Variants in CDH13 observed in about 807,000 individuals in gnomAD.
The protein encoded by CDH13 is cadherin-13.
In CDH13, 24 loss-of-function variants were observed where a neutral mutation model predicts 63.8. The observed-to-expected ratio is 0.38, with a 90% CI of 0.27 to 0.53. CDH13 has a LOEUF of 0.53. Among genes scored for constraint, CDH13 ranks in the 20% least tolerant of loss-of-function variants. The probability of loss-of-function intolerance (pLI) is 0.85; values close to 1 mark genes in which losing one functional copy is unlikely to be tolerated. For synonymous variants in CDH13, 503 were observed against 355.3 expected (o/e 1.42, Z -4.67); for missense variants, 1,049 against 903.1 (o/e 1.16, Z -2.07).
chr16:82,726,160 G>T (rs1008665244), intron 1 of CDH13, among the ~76,000 whole-genome samples: 1 of 152,168 alleles, frequency 6.6e-6, no homozygotes, highest in African/African-American at 2.4e-5. Flanking sequence ...GTGTGCATGT[G>T]CGCACGGTAG....
intron 1 of CDH13, among the ~76,000 whole-genome samples, chr16:82,700,269 C>A (rs2030822091): frequency 6.6e-6 from 1 of 152,176 alleles, no homozygotes; most frequent in South Asian, 2.1e-4. Flanking sequence ...GTTTCCAAAT[C>A]TACTTGACCT....
intron 2 of CDH13, among the ~76,000 whole-genome samples, chr16:82,923,696 C>G (rs990208976): frequency 2.0e-5 from 3 of 152,160 alleles, no homozygotes; most frequent in Non-Finnish European, 4.4e-5. Context: ...CATATGAAAC[C>G]AGAACACAGC....
intron 5 of CDH13, among the ~76,000 whole-genome samples, chr16:83,334,361 TCACACA>T (rs1208427532): frequency 4.7e-5 from 4 of 85,622 alleles, no homozygotes; most frequent in African/African-American, 9.9e-5. Flanking sequence ...TCTCTCTCTC[TCACACA>T]CACACACACA....
intron 2 of CDH13, among the ~76,000 whole-genome samples, chr16:82,973,476 G>C (rs1197677319): frequency 6.6e-6 from 1 of 152,140 alleles, no homozygotes; most frequent in African/African-American, 2.4e-5. Flanking sequence ...CACATATTAG[G>C]CACCTACTGT....
intron 1 of CDH13, among the ~76,000 whole-genome samples, chr16:82,716,140 C>T (rs2032356258): frequency 6.6e-6 from 1 of 152,198 alleles, no homozygotes; most frequent in African/African-American, 2.4e-5. Context: ...CAACAGCTGC[C>T]AGAGAGCCAT....
intron 1 of CDH13, among the ~76,000 whole-genome samples, chr16:82,833,029 C>A (rs938433045): frequency 6.6e-6 from 1 of 152,118 alleles, no homozygotes; most frequent in African/African-American, 2.4e-5. Context: ...CACAAAATTC[C>A]CATCTTACAG....
chr16:82,923,790 A>G (rs900198004), intron 2 of CDH13, among the ~76,000 whole-genome samples: 2 of 152,188 alleles, frequency 1.3e-5, no homozygotes, highest in African/African-American at 4.8e-5. Context: ...GGTCTATGAT[A>G]CAGAAAATCG....
chr16:83,514,663 AGAG>A (rs2074659320), intron 7 of CDH13, among the ~76,000 whole-genome samples: 1 of 152,124 alleles, frequency 6.6e-6, no homozygotes, highest in African/African-American at 2.4e-5. Context: ...AAAGAGAAGA[AGAG>A]GAGAGAGACA....
chr16:83,587,164 G>C (rs546069322), intron 7 of CDH13, among the ~76,000 whole-genome samples: 2 of 152,154 alleles, frequency 1.3e-5, no homozygotes, highest in Non-Finnish European at 2.9e-5. Flanking sequence ...ACCCTGCATG[G>C]CAAAATTTGA....
chr16:82,887,338 G>A (rs1054217670), intron 2 of CDH13, among the ~76,000 whole-genome samples: 2 of 152,180 alleles, frequency 1.3e-5, no homozygotes, highest in African/African-American at 2.4e-5. Flanking sequence ...AATGGGAAAG[G>A]GAATGGTGTG....
chr16:82,937,257 A>G (rs912495342), intron 2 of CDH13, among the ~76,000 whole-genome samples: 6 of 152,176 alleles, frequency 3.9e-5, no homozygotes, highest in African/African-American at 1.4e-4. Context: ...ACAGATATAC[A>G]TAAACATTCA....
intron 1 of CDH13, among the ~76,000 whole-genome samples, chr16:82,771,446 A>C (rs2035259751): frequency 6.6e-6 from 1 of 152,208 alleles, no homozygotes; most frequent in Non-Finnish European, 1.5e-5. Flanking sequence ...GCTGCTTGAT[A>C]GCATTTGTAA....
At chr16:82,897,674 T>A (rs941144403) in intron 2 of CDH13, among the ~76,000 whole-genome samples, 6 of 152,254 alleles carry the variant, frequency 3.9e-5, no homozygotes, top group African/African-American at 1.4e-4. Flanking sequence ...TACCCTTAGC[T>A]ATTAATGCTG....
rs74032610 is a variant in CDH13 at position 82,917,431 on chromosome 16, C to G, written c.157+58958C>G. Among the ~76,000 whole-genome samples the G allele has an allele frequency of 5.8e-3, 885 of 152,216 alleles. 5 individuals are homozygous for G. Among genetic ancestry groups the G allele is most frequent in the African/African-American group, 0.02 (848 of 41,520 alleles). ...AAATGAAAGAAAGAAAGATTCTTCA[C>G]AGGGAAGTCCTGGCTATCTAACTGT... On this transcript the variant is annotated intron_variant, in intron 2 of 13. Coordinates refer to ENST00000567109, the MANE Select transcript of CDH13 (RefSeq NM_001257.5).
intron 3 of CDH13, among the ~76,000 whole-genome samples, chr16:83,069,143 A>G (rs1194212110): frequency 1.3e-5 from 2 of 152,172 alleles, no homozygotes; most frequent in African/African-American, 4.8e-5. Context: ...TACATCTTGA[A>G]TTATTTGTTT....
At chr16:82,951,359 G>A (rs1032222251) in intron 2 of CDH13, among the ~76,000 whole-genome samples, 1 of 152,154 alleles carries the variant, frequency 6.6e-6, no homozygotes, top group Non-Finnish European at 1.5e-5. Flanking sequence ...CTTCCTATAA[G>A]GTGTTCTGTC....
intron 4 of CDH13, among the ~76,000 whole-genome samples, chr16:83,195,740 C>T (rs548613709): frequency 6.6e-6 from 1 of 152,152 alleles, no homozygotes; most frequent in South Asian, 2.1e-4. Flanking sequence ...CAACAGTCAT[C>T]AAGATAGCAT....
intron 4 of CDH13, among the ~76,000 whole-genome samples, chr16:83,131,563 T>C (rs777868337): frequency 1.3e-5 from 2 of 152,186 alleles, no homozygotes; most frequent in Non-Finnish European, 2.9e-5. Context: ...ATTGCATCTT[T>C]AAAGATTTTT....
chr16:82,773,844 C>T (rs140932638), intron 1 of CDH13, among the ~76,000 whole-genome samples: 17 of 150,956 alleles, frequency 1.1e-4, no homozygotes, highest in African/African-American at 2.9e-4. Context: ...AGTGCAATTG[C>T]GCGATCTCAG....
Sources: allele counts gnomAD v4.1 joint callset (sites outside exome capture counted in the v4.1 genomes callset), GRCh38; gene constraint gnomAD v4.1.1; transcripts MANE v1.5; gene names NCBI Gene and HGNC (gene_info 2026-07-23, HGNC 2026-07-21).